Variants in PPP1R9A observed in about 807,000 individuals in gnomAD.
PPP1R9A encodes protein phosphatase 1 regulatory subunit 9A.
A neutral mutation model predicts 141.9 loss-of-function variants in PPP1R9A; 59 were observed. The ratio of observed to expected loss-of-function variants is 0.42; its 90% confidence interval spans 0.34 to 0.52. PPP1R9A has a LOEUF of 0.52. Ranked by LOEUF, PPP1R9A falls within the 20% of genes least tolerant of loss-of-function variation. PPP1R9A has a pLI of 0.10. For missense variants in PPP1R9A, 1,444 were observed against 1,611.9 expected (o/e 0.90, Z 1.78); for synonymous variants, 500 against 569.7 (o/e 0.88, Z 1.74).
chr7:95,252,237 T>A, intron 12 of PPP1R9A, 107 bp downstream of exon 12: 1 of 1,234,530 alleles, frequency 8.1e-7, no homozygotes, highest in Non-Finnish European at 1.1e-6. Context: ...ACCTTCCTAC[T>A]ATGGGAAAGA....
At chr7:95,214,209 G>A (rs551290696) in intron 7 of PPP1R9A, 1 of 152,308 alleles carries the variant, frequency 6.6e-6, no homozygotes, top group African/African-American at 2.4e-5. Flanking sequence ...AATTTAGCTG[G>A]ATGCCTCTGA....
In PPP1R9A at chr7:95,279,595, G is replaced by GCAAA. The variant is rs1803790506; in HGVS notation, c.3297-4420_3297-4417dup. The stretch of plus-strand genomic sequence containing the variant: ...CCTGACAAACTTACATTCTTAACAG[G>GCAAA]CAAACACTTTTCCATACTTAAAAAA... On this transcript the variant is annotated intron_variant, in intron 16 of 19. Transcript: ENST00000433360. 2.0e-5 allele frequency among the ~76,000 whole-genome samples: 3 copies of GCAAA among 152,140 alleles called. No homozygotes were observed. In the East Asian group the frequency reaches 5.8e-4, roughly 29 times the overall value.
Position 95,269,266 on chromosome 7 carries a change from G to A in PPP1R9A, c.2883G>A (p.Leu961=), listed in dbSNP as rs775838739. The A allele has an allele frequency of 3.5e-5, 55 of 1,578,114 alleles. No individual in the cohort carries two copies. The highest frequency in any genetic ancestry group is 4.6e-5 in the Non-Finnish European group (53 of 1,160,878). ...HITKLLPPKG[L]RTSSPESDSG... ...CCAAATTACTTCCACCTAAGGGTTT[G>A]AGAACGTCTTCTCCAGAATCAGATT... Residue 961 remains leucine, a synonymous_variant, in exon 14 of 20, where the codon TTG becomes TTA. Transcript: ENST00000433360.
chr7:94,956,712 G>A (rs1244874004), intron 2 of PPP1R9A, among the ~76,000 whole-genome samples: 2 of 151,756 alleles, frequency 1.3e-5, no homozygotes, highest in East Asian at 1.9e-4. Flanking sequence ...TGTCTCCTAA[G>A]GAAAAAAAAG....
chr7:95,166,452 G>T (rs1369352054), intron 5 of PPP1R9A, among the ~76,000 whole-genome samples: 1 of 152,142 alleles, frequency 6.6e-6, no homozygotes, highest in African/African-American at 2.4e-5. Context: ...AGCCTACCAA[G>T]ATTGAATCAG....
chr7:95,012,821 G>T (rs1804613272), intron 2 of PPP1R9A, among the ~76,000 whole-genome samples: 1 of 152,192 alleles, frequency 6.6e-6, no homozygotes, highest in African/African-American at 2.4e-5. Flanking sequence ...GTAATGATGT[G>T]AAAAGTTGGA....
intron 2 of PPP1R9A, among the ~76,000 whole-genome samples, chr7:94,927,830 T>C (rs1482811500): frequency 6.6e-6 from 1 of 152,214 alleles, no homozygotes; most frequent in Non-Finnish European, 1.5e-5. Context: ...TGATTATTAT[T>C]ACTGTCTTTA....
chr7:95,123,776 T>C lies in PPP1R9A; in HGVS notation c.1649+2944T>C, dbSNP rs543500873. ...GGATATTCAACAAATTACTTAATTT[T>C]CATGTTATCTACATCGCAGGTTGTG... is the stretch of plus-strand genomic sequence containing the variant. On this transcript the variant is annotated intron_variant, in intron 4 of 19. Transcript: ENST00000433360. Among the ~76,000 whole-genome samples, 9 of 152,344 alleles carry C rather than the reference T, an allele frequency of 5.9e-5. No individual in the cohort carries two copies. In the South Asian group the frequency reaches 1.9e-3, roughly 32 times the overall value.
chr7:94,998,071 G>A (rs538702368), intron 2 of PPP1R9A, among the ~76,000 whole-genome samples: 40 of 152,214 alleles, frequency 2.6e-4, no homozygotes, highest in Non-Finnish European at 4.7e-4. Flanking sequence ...AACAGTTTCT[G>A]TTTTTAATAG....
At chr7:95,201,065 G>A (rs1789468229) in intron 6 of PPP1R9A, among the ~76,000 whole-genome samples, 1 of 152,056 alleles carries the variant, frequency 6.6e-6, no homozygotes, top group African/African-American at 2.4e-5. Context: ...CGGTGATGGA[G>A]TTTAGGTTCT....
At chr7:95,242,838 T>C (rs1197417326) in intron 8 of PPP1R9A, among the ~76,000 whole-genome samples, 1 of 152,146 alleles carries the variant, frequency 6.6e-6, no homozygotes, top group Non-Finnish European at 1.5e-5. Flanking sequence ...CAAACCTAGC[T>C]TCTCTGAAGC....
At chr7:95,273,480 G>A (rs926072389) in intron 14 of PPP1R9A, among the ~76,000 whole-genome samples, 1 of 152,162 alleles carries the variant, frequency 6.6e-6, no homozygotes, top group South Asian at 2.1e-4. Context: ...CGGGAGAAGT[G>A]GGCTATGTTC....
At chr7:95,161,260 A>G (rs1446271449) in intron 4 of PPP1R9A, among the ~76,000 whole-genome samples, 3 of 151,780 alleles carry the variant, frequency 2.0e-5, no homozygotes, top group Non-Finnish European at 4.4e-5. Context: ...TTTGATTTGC[A>G]TTTCTCTGAT....
At chr7:94,920,920 A>C (rs932715631) in intron 2 of PPP1R9A, among the ~76,000 whole-genome samples, 29 of 151,906 alleles carry the variant, frequency 1.9e-4, no homozygotes, top group African/African-American at 6.8e-4. Flanking sequence ...TCTTTTATTC[A>C]CCTCGGATTT....
At chr7:95,079,544 A>G (rs1411479406) in intron 2 of PPP1R9A, among the ~76,000 whole-genome samples, 1 of 151,958 alleles carries the variant, frequency 6.6e-6, no homozygotes, top group African/African-American at 2.4e-5. Context: ...TTCTGAAACT[A>G]TTCCAATCAA....
intron 2 of PPP1R9A, among the ~76,000 whole-genome samples, chr7:94,971,939 T>G (rs1367751556): frequency 2.0e-5 from 3 of 152,216 alleles, no homozygotes; most frequent in Non-Finnish European, 4.4e-5. Flanking sequence ...TTTAAAGCTT[T>G]GTGTTGAAGA....
intron 16 of PPP1R9A, among the ~76,000 whole-genome samples, chr7:95,276,716 A>G (rs1401368810): frequency 6.6e-6 from 1 of 152,222 alleles, no homozygotes; most frequent in African/African-American, 2.4e-5. Flanking sequence ...ATTAGTAATT[A>G]TAGTAGAATT....
chr7:95,179,551 A>G (rs916729965), intron 5 of PPP1R9A, among the ~76,000 whole-genome samples: 2 of 152,092 alleles, frequency 1.3e-5, no homozygotes, highest in Admixed American at 6.6e-5. Context: ...AATAAAGGGC[A>G]TCCAAATCCA....
At chr7:95,046,979 A>C (rs1810112712) in intron 2 of PPP1R9A, among the ~76,000 whole-genome samples, 1 of 152,190 alleles carries the variant, frequency 6.6e-6, no homozygotes, top group Non-Finnish European at 1.5e-5. Context: ...TTGTAATTGA[A>C]AGCTTTTTGT....
Sources: gnomAD v4.1 joint callset for allele counts (sites outside exome capture counted in the v4.1 genomes callset) on GRCh38, gnomAD v4.1.1 for gene constraint, MANE v1.5 for transcripts, NCBI Gene and HGNC (gene_info 2026-07-23, HGNC 2026-07-21) for gene names.